HPN: variants seen among roughly 807,000 people sequenced by gnomAD.
HPN encodes the protein hepsin.
A neutral mutation model predicts 55.9 loss-of-function variants in HPN; 13 were observed. The observed-to-expected ratio is 0.23, with a 90% CI of 0.15 to 0.37. HPN has a LOEUF of 0.37. Ranked by LOEUF, HPN falls within the 10% of genes least tolerant of loss-of-function variation. The probability of loss-of-function intolerance (pLI) is 1.00; values close to 1 mark genes in which losing one functional copy is unlikely to be tolerated. For synonymous variants in HPN, 225 were observed against 240.3 expected (o/e 0.94, Z 0.59); for missense variants, 451 against 575.8 (o/e 0.78, Z 2.22).
chr19:35,041,607 T>C, upstream of HPN: 5 of 1,148,356 alleles, frequency 4.4e-6, no homozygotes, highest in Non-Finnish European at 5.4e-6. Context: ...GCCCGCCTGG[T>C]CCAGCCCCCA....
At chr19:35,060,548 C>G in intron 8 of HPN, 36 bp downstream of exon 8, 1 of 1,611,606 alleles carries the variant, frequency 6.2e-7, no homozygotes. Flanking sequence ...GATGGGGAGG[C>G]AGAGGAGCGG....
chr19:35,047,732 G>A (rs1325075415), intron 2 of HPN, among the ~76,000 whole-genome samples: 1 of 151,994 alleles, frequency 6.6e-6, no homozygotes, highest in Admixed American at 6.6e-5. Context: ...GGTGGCTCAC[G>A]CCTGCAATTC....
chr19:35,060,155 C>T lies in HPN; in HGVS notation c.440C>T (p.Ala147Val). ...GATTGCCCCAGAGGCCGTTTCTTGG[C>T]CGCCATCTGCCAAGGTGAGATCCTA... ...VCDCPRGRFL[A>V]AICQDCGRRK... The change falls in exon 7 of 13, where the codon GCC (alanine) becomes GTC (valine). Residue 147 changes from alanine to valine, a missense_variant. Physicochemically the swap from Ala to Val is moderately conservative, Grantham distance 64. Around this residue, in one of 2 missense-constraint regions of HPN, gnomAD observed 378 missense variants for 445.5 expected, o/e 0.85. Transcript: ENST00000672452. 6.2e-7 allele frequency: 1 copy of T among 1,614,164 alleles called. No individual in the cohort carries two copies.
intron 2 of HPN, among the ~76,000 whole-genome samples, chr19:35,045,011 T>A (rs1239206223): frequency 6.6e-6 from 1 of 151,904 alleles, no homozygotes; most frequent in Non-Finnish European, 1.5e-5. Flanking sequence ...TGAGGGCCTC[T>A]GAGACAGGAC....
rs751341626 is a variant in HPN at position 35,065,656 on chromosome 19, C to G, written c.1025C>G (p.Pro342Arg). ...IKPKMFCAGY[P>R]EGGIDACQGD... The stretch of plus-strand genomic sequence containing the variant: ...CCCAAGATGTTCTGTGCTGGCTACC[C>G]CGAGGGTGGCATTGATGCCTGCCAG... Residue 342 changes from proline to arginine, a missense_variant, in exon 11 of 13, where the codon CCC becomes CGC. Physicochemically the swap from Pro to Arg is moderately radical, Grantham distance 103 (BLOSUM62 -2). This residue lies in a region of HPN where 73 missense variants were observed against 130.3 expected (regional missense o/e 0.56). Transcript: ENST00000672452. 2 of 1,614,154 alleles carry G rather than the reference C, an allele frequency of 1.2e-6. No individual in the cohort carries two copies. Among genetic ancestry groups the G allele is most frequent in the East Asian group, 4.5e-5 (2 of 44,884 alleles).
intron 8 of HPN, 21 bp downstream of exon 8, chr19:35,060,533 C>T (rs754637553): frequency 3.1e-6 from 5 of 1,611,822 alleles, no homozygotes; most frequent in Non-Finnish European, 2.5e-6. Context: ...CCCAATGGCG[C>T]TGATGATGGG....
chr19:35,057,713 GCTAAAAGA>G (rs2064470111), intron 4 of HPN, among the ~76,000 whole-genome samples: 1 of 152,120 alleles, frequency 6.6e-6, no homozygotes, highest in African/African-American at 2.4e-5. Flanking sequence ...CTTGAACATT[GCTAAAAGA>G]TATTTTAAGT....
chr19:35,058,767 A>T (rs959415457), intron 4 of HPN, among the ~76,000 whole-genome samples: 1 of 151,874 alleles, frequency 6.6e-6, no homozygotes, highest in African/African-American at 2.4e-5. Context: ...TGTACGTATA[A>T]AGTGAGAGGT....
At chr19:35,060,268 A>G (rs1346623786) in intron 7 of HPN, 79 bp from the exon 8 acceptor site, 1 of 1,606,618 alleles carries the variant, frequency 6.2e-7, no homozygotes. Context: ...CAGACCCCCT[A>G]GGGCAGGGCC....
upstream of HPN, chr19:35,041,625 G>A: frequency 4.4e-6 from 5 of 1,148,508 alleles, no homozygotes; most frequent in Non-Finnish European, 5.4e-6. Flanking sequence ...CCACAAGCCC[G>A]GCCCCATCAG....
chr19:35,041,693 C>T, upstream of HPN: 1 of 1,104,258 alleles, frequency 9.1e-7, no homozygotes, highest in Non-Finnish European at 1.1e-6. Context: ...CCCCTTCACC[C>T]GCCCCTCGCC....
At chr19:35,059,853 C>T (rs1352155084) in intron 5 of HPN, 21 bp from the exon 6 acceptor site, 2 of 1,508,790 alleles carry the variant, frequency 1.3e-6, no homozygotes, top group Admixed American at 2.2e-5. Flanking sequence ...GGGGAGCAGG[C>T]CTAACCCCTG....
intron 2 of HPN, among the ~76,000 whole-genome samples, chr19:35,045,528 C>T (rs950620302): frequency 2.6e-5 from 4 of 152,010 alleles, no homozygotes; most frequent in African/African-American, 4.8e-5. Flanking sequence ...AGACCCAAGG[C>T]ATCCAGAGGG....
rs930599456 is a variant in HPN at position 35,042,346 on chromosome 19, G to C, written c.-54-107G>C. ...CGTGATCACGGCGTGCTCTGGCCAA[G>C]GCCCAGTCCCTACAGCCTGCCTGGA... On this transcript the variant is annotated intron_variant, in intron 1 of 12. Transcript: ENST00000672452. 25 of 1,436,610 alleles carry C rather than the reference G, an allele frequency of 1.7e-5. No individual in the cohort carries two copies. The African/African-American group carries it at 2.4e-4, about 14-fold the overall frequency. The allele number at this position is 1,436,610 out of a possible 1,614,324, so 89.0% of individuals were successfully genotyped here.
At chr19:35,045,128 G>A (rs1292067160) in intron 2 of HPN, among the ~76,000 whole-genome samples, 1 of 152,072 alleles carries the variant, frequency 6.6e-6, no homozygotes, top group Admixed American at 6.5e-5. Flanking sequence ...GGTATTTAAA[G>A]GACTGCAGGA....
intron 2 of HPN, 28 bp from the exon 3 acceptor site, chr19:35,049,262 T>C: frequency 6.7e-7 from 1 of 1,499,076 alleles, no homozygotes; most frequent in Non-Finnish European, 8.9e-7. Flanking sequence ...CAGGCCTGGC[T>C]GTGGCCCCAG....
At chr19:35,052,117 C>T (rs1001003290) in intron 4 of HPN, among the ~76,000 whole-genome samples, 3 of 152,216 alleles carry the variant, frequency 2.0e-5, no homozygotes, top group Non-Finnish European at 4.4e-5. Flanking sequence ...CAGTTCTGCA[C>T]AGTTCCTTCT....
In HPN at chr19:35,065,669, T is replaced by C. The variant is rs2064598842; in HGVS notation, c.1038T>C (p.Ile346=). Reference sequence around the variant, plus strand: ...GTGCTGGCTACCCCGAGGGTGGCATTGATGCCTGCCAGGTGAGGGACTCTG... The same window carrying C: ...GTGCTGGCTACCCCGAGGGTGGCATCGATGCCTGCCAGGTGAGGGACTCTG... The part of the protein sequence containing the change: ...MFCAGYPEGG[I]DACQGDSGGP... Residue 346 remains isoleucine (I), a synonymous_variant, in exon 11 of 13, where the codon ATT becomes ATC. Transcript: ENST00000672452. The C allele has an allele frequency of 6.2e-7, 1 of 1,614,008 alleles. No homozygotes were observed. Among genetic ancestry groups the C allele is most frequent in the Non-Finnish European group, 8.5e-7 (1 of 1,180,018 alleles).
intron 2 of HPN, among the ~76,000 whole-genome samples, chr19:35,044,591 T>C (rs1435625218): frequency 9.9e-5 from 15 of 152,222 alleles, no homozygotes; most frequent in Non-Finnish European, 2.9e-5. Context: ...ATTTTACAAG[T>C]TCTACTGTTT....
Sources: allele counts gnomAD v4.1 joint callset (sites outside exome capture counted in the v4.1 genomes callset), GRCh38; gene constraint gnomAD v4.1.1; regional missense constraint gnomAD v4.1.1; transcripts MANE v1.5; gene names NCBI Gene and HGNC (gene_info 2026-07-23, HGNC 2026-07-21).